GSE1: variants seen among roughly 807,000 people sequenced by gnomAD.
The protein encoded by GSE1 is genetic suppressor element 1.
Under a neutral mutation model 112.6 loss-of-function variants are expected in GSE1, and 32 were observed. The observed-to-expected ratio is 0.28, with a 90% CI of 0.21 to 0.38. The LOEUF is 0.38. Among genes scored for constraint, GSE1 ranks in the 10% least tolerant of loss-of-function variants. The probability of loss-of-function intolerance (pLI) is 1.00; values close to 1 mark genes in which losing one functional copy is unlikely to be tolerated. For synonymous variants in GSE1, 1,115 were observed against 735.6 expected, an observed-to-expected ratio of 1.52 and a Z score of -8.35; for missense variants, 2,348 against 1,699.2, an observed-to-expected ratio of 1.38 and a Z score of -6.71.
intron 1 of GSE1, among the ~76,000 whole-genome samples, chr16:85,231,681 A>C (rs979567913): frequency 3.3e-5 from 5 of 152,162 alleles, no homozygotes; most frequent in African/African-American, 1.2e-4. Context: ...GGGCAGAGCT[A>C]CCTGTGTGAT....
intron 2 of GSE1, among the ~76,000 whole-genome samples, chr16:85,459,086 C>T (rs904135298): frequency 3.9e-5 from 6 of 152,336 alleles, no homozygotes; most frequent in African/African-American, 1.2e-4. Context: ...TGTGGTGCCT[C>T]GGCTCATCAT....
chr16:85,652,649 C>T (rs1302762956), intron 3 of GSE1, among the ~76,000 whole-genome samples: 1 of 152,186 alleles, frequency 6.6e-6, no homozygotes, highest in Non-Finnish European at 1.5e-5. Flanking sequence ...ACTGCCTCTG[C>T]GCGGGTGCCA....
At chr16:85,187,688 C>T (rs1202522988) in intron 1 of GSE1, among the ~76,000 whole-genome samples, 17 of 152,158 alleles carry the variant, frequency 1.1e-4, no homozygotes, top group Admixed American at 1.1e-3. Flanking sequence ...ACCTGGGTGG[C>T]CTCAGCAGGT....
intron 2 of GSE1, among the ~76,000 whole-genome samples, chr16:85,504,555 C>T (rs2051474930): frequency 6.6e-6 from 1 of 152,032 alleles, no homozygotes; most frequent in African/African-American, 2.4e-5. Context: ...GGTCTGGGCT[C>T]AGGGACAATT....
intron 2 of GSE1, among the ~76,000 whole-genome samples, chr16:85,491,190 C>T (rs1422612803): frequency 6.6e-6 from 1 of 152,176 alleles, no homozygotes; most frequent in Non-Finnish European, 1.5e-5. Flanking sequence ...CGCTAGTAGG[C>T]ACTGTTGTGT....
At position 85,668,366 on chromosome 16, in the gene GSE1, C is replaced by T; in HGVS notation, c.3357C>T (p.Pro1119=). 1 of 1,613,288 alleles carries T rather than the reference C, an allele frequency of 6.2e-7. No individual in the cohort carries two copies. The highest frequency in any genetic ancestry group is 8.5e-7 in the Non-Finnish European group (1 of 1,179,788). The change falls in exon 14 of 16, where the codon CCC becomes CCT. Residue 1119 remains proline (P), a synonymous_variant. Coordinates refer to ENST00000253458, the MANE Select transcript of GSE1 (RefSeq NM_014615.5). The part of the protein sequence containing the change: ...DEDGEDEEEV[P]KRKWQGIEAV... Reference sequence around the variant, plus strand: ...ATGGAGAAGATGAGGAGGAAGTCCCCAAGCGCAAGTGGCAAGGGATCGAGG... The same window carrying T: ...ATGGAGAAGATGAGGAGGAAGTCCCTAAGCGCAAGTGGCAAGGGATCGAGG...
intron 2 of GSE1, among the ~76,000 whole-genome samples, chr16:85,510,892 C>T (rs1040027105): frequency 6.6e-6 from 1 of 152,340 alleles, no homozygotes; most frequent in Non-Finnish European, 1.5e-5. Flanking sequence ...CAAGCTCATG[C>T]TCCCGGCTCC....
chr16:85,647,836 C>T (rs984353892), intron 2 of GSE1, among the ~76,000 whole-genome samples: 7 of 152,168 alleles, frequency 4.6e-5, no homozygotes, highest in Non-Finnish European at 1.0e-4. Flanking sequence ...CTGTCTGCCT[C>T]GGCCTCCCAA....
intron 1 of GSE1, among the ~76,000 whole-genome samples, chr16:85,224,370 TAAA>T (rs1181800183): frequency 7.5e-6 from 1 of 132,570 alleles, no homozygotes; most frequent in Non-Finnish European, 1.6e-5. Flanking sequence ...CCAAACTCAT[TAAA>T]AAAAAATTCT....
intron 1 of GSE1, among the ~76,000 whole-genome samples, chr16:85,601,602 CG>C (rs566252381): frequency 2.2e-3 from 336 of 152,236 alleles, no homozygotes; most frequent in African/African-American, 7.7e-3. Context: ...GGGCCACAGG[CG>C]GCTGACTAAA....
chr16:85,621,754 C>G (rs976331732), intron 1 of GSE1, among the ~76,000 whole-genome samples: 3 of 152,174 alleles, frequency 2.0e-5, no homozygotes, highest in African/African-American at 4.8e-5. Flanking sequence ...TCATCCGTGT[C>G]TCTTATCCAC....
intron 1 of GSE1, among the ~76,000 whole-genome samples, chr16:85,333,514 T>C (rs2046419350): frequency 6.6e-6 from 1 of 152,246 alleles, no homozygotes. Context: ...CCCTTAGGGC[T>C]TGGGGGGCCT....
chr16:85,642,724 C>T (rs2050543763), intron 2 of GSE1, among the ~76,000 whole-genome samples: 1 of 152,254 alleles, frequency 6.6e-6, no homozygotes, highest in Non-Finnish European at 1.5e-5. Flanking sequence ...CACCGTTCCC[C>T]TGAGCAGTTG....
At chr16:85,295,081 C>T (rs1200977602) in intron 1 of GSE1, among the ~76,000 whole-genome samples, 3 of 152,012 alleles carry the variant, frequency 2.0e-5, no homozygotes, top group African/African-American at 7.2e-5. Flanking sequence ...CCTCCTAATA[C>T]CATCACCTCG....
chr16:85,209,640 T>C (rs1483866033), intron 1 of GSE1, among the ~76,000 whole-genome samples: 1 of 151,916 alleles, frequency 6.6e-6, no homozygotes, highest in Non-Finnish European at 1.5e-5. Flanking sequence ...GGCCAGGAGG[T>C]GTTCCCCGGC....
intron 8 of GSE1, chr16:85,659,269 C>G (rs1348712666): frequency 6.6e-6 from 1 of 152,302 alleles, no homozygotes; most frequent in Non-Finnish European, 1.5e-5. Flanking sequence ...GGCCGTGTGC[C>G]TGCTGTGGCC....
chr16:85,229,131 G>T (rs2075538864), intron 1 of GSE1, among the ~76,000 whole-genome samples: 1 of 152,240 alleles, frequency 6.6e-6, no homozygotes, highest in African/African-American at 2.4e-5. Context: ...TGGGAGCAGG[G>T]GGCTGAGGTC....
chr16:85,516,821 G>A (rs139165383), intron 2 of GSE1, among the ~76,000 whole-genome samples: 1,550 of 136,526 alleles, frequency 0.011, 21 homozygotes, highest in African/African-American at 0.039. Context: ...TTTTTGAGAC[G>A]GAGTCTCGCT....
upstream of GSE1, chr16:85,613,086 G>A: frequency 1.4e-6 from 1 of 690,828 alleles, no homozygotes; most frequent in Non-Finnish European, 2.1e-6. Flanking sequence ...GGGTGGATCC[G>A]GGCGCCCGTC....
Sources: allele counts gnomAD v4.1 joint callset (sites outside exome capture counted in the v4.1 genomes callset), GRCh38; gene constraint gnomAD v4.1.1; transcripts MANE v1.5; gene names NCBI Gene and HGNC (gene_info 2026-07-23, HGNC 2026-07-21).